The following MIR2052HG variants were observed in gnomAD, a reference collection of about 807,000 sequenced individuals.
The protein encoded by MIR2052HG is MIR2052 host gene.
intron 2 of MIR2052HG, among the ~76,000 whole-genome samples, chr8:74,617,123 A>G (rs1043979195): frequency 6.6e-6 from 1 of 152,124 alleles, no homozygotes; most frequent in Non-Finnish European, 1.5e-5. Flanking sequence ...TAGGAGTACA[A>G]GTATGGATTT....
chr8:74,663,133 A>G (rs1226937334), intron 2 of MIR2052HG, among the ~76,000 whole-genome samples: 1 of 152,316 alleles, frequency 6.6e-6, no homozygotes, highest in Admixed American at 6.5e-5. Flanking sequence ...ATTCATAAAG[A>G]GTATTGGTAA....
At chr8:74,632,575 C>T (rs895784951) in intron 2 of MIR2052HG, 6 of 152,070 alleles carry the variant, frequency 3.9e-5, no homozygotes, top group Middle Eastern at 3.2e-3. Context: ...GCATTTTAAA[C>T]TTCAGGCTTA....
At chr8:74,728,032 AG>A (rs1341681550) in intron 4 of MIR2052HG, among the ~76,000 whole-genome samples, 1 of 152,248 alleles carries the variant, frequency 6.6e-6, no homozygotes, top group African/African-American at 2.4e-5. Context: ...TCTCAATTAC[AG>A]TACTAGGCAA....
At chr8:74,616,445 T>A (rs568112682) in intron 2 of MIR2052HG, among the ~76,000 whole-genome samples, 8 of 150,352 alleles carry the variant, frequency 5.3e-5, no homozygotes, top group East Asian at 3.9e-4. Context: ...CTTCTATATT[T>A]TATATATATA....
At chr8:74,734,305 G>GT (rs1422228477) in intron 4 of MIR2052HG, among the ~76,000 whole-genome samples, 1 of 152,188 alleles carries the variant, frequency 6.6e-6, no homozygotes, top group Non-Finnish European at 1.5e-5. Context: ...TAAGGTATCA[G>GT]TCTGCTAAAA....
In MIR2052HG at chr8:74,707,174, C is replaced by G. The variant is rs149360042; in HGVS notation, n.371+3492C>G. ...GTAGATATCTGTCGTCACCTGAAAG[C>G]TCTTACCATCTGATCTAAATATGTG... On this transcript the variant is annotated intron_variant and non_coding_transcript_variant, in intron 4 of 6. Transcript: ENST00000523442. 3.9e-4 allele frequency among the ~76,000 whole-genome samples: 60 copies of G among 152,198 alleles called. No individual in the cohort carries two copies. The East Asian group carries it at 0.011, about 28-fold the overall frequency.
intron 1 of MIR2052HG, among the ~76,000 whole-genome samples, chr8:74,602,880 C>CTTTCTTTCTTTCTTTCTTTCTTT (rs1808042817): frequency 7.4e-5 from 1 of 13,538 alleles, no homozygotes; most frequent in Non-Finnish European, 1.4e-4. Context: ...TTTCTTTTTT[C>CTTTCTTTCTTTCTTTCTTTCTTT]TATTCACAAA....
At chr8:74,663,525 GA>G (rs1808889194) in intron 2 of MIR2052HG, among the ~76,000 whole-genome samples, 1 of 152,188 alleles carries the variant, frequency 6.6e-6, no homozygotes, top group Non-Finnish European at 1.5e-5. Flanking sequence ...TTGCAAAGGA[GA>G]GAAAAGATAA....
chr8:74,612,046 G>T (rs767154147), intron 1 of MIR2052HG, among the ~76,000 whole-genome samples: 1 of 148,080 alleles, frequency 6.8e-6, no homozygotes, highest in Non-Finnish European at 1.5e-5. Flanking sequence ...TTATCTTCAA[G>T]TGCTCCACTT....
chr8:74,714,268 C>G (rs1045250804), intron 4 of MIR2052HG, among the ~76,000 whole-genome samples: 7 of 152,144 alleles, frequency 4.6e-5, no homozygotes, highest in Non-Finnish European at 5.9e-5. Flanking sequence ...TTGATATGAG[C>G]TTGGGTGGTC....
At chr8:74,613,423 T>A (rs1010192856) in intron 2 of MIR2052HG, among the ~76,000 whole-genome samples, 1 of 152,236 alleles carries the variant, frequency 6.6e-6, no homozygotes, top group African/African-American at 2.4e-5. Context: ...TTCTTTCATC[T>A]GCATGAGGCA....
At chr8:74,638,431 C>G (rs1020197243) in intron 2 of MIR2052HG, among the ~76,000 whole-genome samples, 1 of 152,134 alleles carries the variant, frequency 6.6e-6, no homozygotes, top group African/African-American at 2.4e-5. Context: ...TTGACACTAT[C>G]ATACAGGCTG....
At chr8:74,700,733 T>A (rs924143511) in intron 2 of MIR2052HG, among the ~76,000 whole-genome samples, 6 of 152,204 alleles carry the variant, frequency 3.9e-5, no homozygotes, top group Admixed American at 3.3e-4. Context: ...CAATCCTTGA[T>A]GAAAAAATAA....
chr8:74,714,180 G>A (rs1035052754), intron 4 of MIR2052HG, among the ~76,000 whole-genome samples: 1 of 152,150 alleles, frequency 6.6e-6, no homozygotes, highest in Non-Finnish European at 1.5e-5. Context: ...TGACTGGAAA[G>A]CTTCCTTGGC....
chr8:74,723,640 T>C (rs1205492029), intron 4 of MIR2052HG, among the ~76,000 whole-genome samples: 1 of 152,182 alleles, frequency 6.6e-6, no homozygotes, highest in Non-Finnish European at 1.5e-5. Flanking sequence ...AAATATGCTG[T>C]TTTATTATTG....
intron 4 of MIR2052HG, among the ~76,000 whole-genome samples, chr8:74,708,910 G>A (rs1373935404): frequency 6.6e-6 from 1 of 151,914 alleles, no homozygotes; most frequent in Non-Finnish European, 1.5e-5. Context: ...CTGTAAGATA[G>A]AAAATGAGTC....
chr8:74,718,918 T>C (rs748115830), intron 4 of MIR2052HG, among the ~76,000 whole-genome samples: 3 of 152,172 alleles, frequency 2.0e-5, no homozygotes, highest in Non-Finnish European at 4.4e-5. Context: ...TTTTAACGTA[T>C]TAATTTTGGA....
intron 1 of MIR2052HG, chr8:74,603,938 C>T: frequency 9.4e-7 from 1 of 1,062,958 alleles, no homozygotes; most frequent in African/African-American, 1.5e-5. Flanking sequence ...GCAGGGACCA[C>T]CAGCCTCAGG....
At chr8:74,602,817 GTTTCTTTCTTTCTTTCTTTCTTTC>G (rs58455200) in intron 1 of MIR2052HG, among the ~76,000 whole-genome samples, 3 of 73,786 alleles carry the variant, frequency 4.1e-5, no homozygotes, top group East Asian at 7.3e-4. Context: ...GCCCGGCCGT[GTTTCTTTCTTTCTTTCTTTCTTTC>G]TTTCTTTCTT....
Sources: gnomAD v4.1 joint callset for allele counts (sites outside exome capture counted in the v4.1 genomes callset) on GRCh38, gnomAD v4.1.1 for gene constraint, MANE v1.5 for transcripts, NCBI Gene and HGNC (gene_info 2026-07-23, HGNC 2026-07-21) for gene names.